CLTRN: variants seen among roughly 807,000 people sequenced by gnomAD.
The protein encoded by CLTRN is collectrin.
Under a neutral mutation model 14.5 loss-of-function variants are expected in CLTRN, and 12 were observed. The observed-to-expected ratio is 0.83, with a 90% CI of 0.53 to 1.34. The LOEUF (loss-of-function observed/expected upper bound fraction) is 1.34, where lower values mean the gene tolerates loss of function less well. Ranked by LOEUF, CLTRN falls within the 40% of genes most tolerant of loss-of-function variation. The pLI is 0.00. For missense variants in CLTRN, 154 were observed against 165.1 expected (o/e 0.93, Z 0.37); for synonymous variants, 58 against 56.5 (o/e 1.03, Z -0.12).
At chrX:15,646,462 A>AACC in intron 3 of CLTRN, 30 of 170,828 alleles carry the variant, frequency 1.8e-4, no homozygotes, top group South Asian at 4.9e-4. Context: ...CCGCGCACCC[A>AACC]CCCCCCCGCC....
At chrX:15,665,314 T>C (rs1470100429), upstream of CLTRN, among the ~76,000 whole-genome samples, 1 of 112,090 alleles carries the variant, frequency 8.9e-6, no homozygotes, top group Non-Finnish European at 1.9e-5. Flanking sequence ...CGGAGCTTCC[T>C]CTTACCTACT....
At chrX:15,675,203 G>C (rs944853869), upstream of CLTRN, among the ~76,000 whole-genome samples, 1 of 112,348 alleles carries the variant, frequency 8.9e-6, no homozygotes, top group Non-Finnish European at 1.9e-5. Context: ...AAAGAAATTC[G>C]AATTCGCGGG....
upstream of CLTRN, among the ~76,000 whole-genome samples, chrX:15,667,098 G>A (rs1039655554): frequency 5.4e-5 from 6 of 111,316 alleles, no homozygotes; most frequent in Middle Eastern, 9.2e-3. Flanking sequence ...TTAGCCGGGC[G>A]TGGTGGCAGG....
At chrX:15,632,995 C>T (rs1004715237) in intron 5 of CLTRN, among the ~76,000 whole-genome samples, 1 of 110,057 alleles carries the variant, frequency 9.1e-6, no homozygotes, top group African/African-American at 3.3e-5. Flanking sequence ...AATCAATTAT[C>T]GGGGAATTGA....
chrX:15,666,672 G>C (rs141103011), upstream of CLTRN, among the ~76,000 whole-genome samples: 394 of 111,579 alleles, frequency 3.5e-3, no homozygotes, highest in African/African-American at 0.01. Flanking sequence ...GCAAGGACAC[G>C]GAGTCAGGAA....
At chrX:15,644,048 T>C (rs1019715808) in intron 4 of CLTRN, among the ~76,000 whole-genome samples, 1 of 112,032 alleles carries the variant, frequency 8.9e-6, no homozygotes, top group African/African-American at 3.2e-5. Flanking sequence ...ACAAGTTGCA[T>C]CCTCCTAATT....
At chrX:15,652,765 A>G (rs1394062144) in intron 3 of CLTRN, among the ~76,000 whole-genome samples, 2 of 112,036 alleles carry the variant, frequency 1.8e-5, no homozygotes, top group East Asian at 2.8e-4. Flanking sequence ...ACCCCTAACA[A>G]TATGTACAAA....
intron 5 of CLTRN, among the ~76,000 whole-genome samples, chrX:15,628,869 C>T (rs886423308): frequency 3.6e-5 from 4 of 111,998 alleles, no homozygotes; most frequent in African/African-American, 9.7e-5. Context: ...CCTTTGTAGA[C>T]CTTGCTGACC....
chrX:15,663,095 A>G (rs1929544750), intron 2 of CLTRN, among the ~76,000 whole-genome samples: 1 of 111,938 alleles, frequency 8.9e-6, no homozygotes, highest in Non-Finnish European at 1.9e-5. Context: ...AGTGCCAGGT[A>G]TTGTGGGCCT....
At chrX:15,653,442 CAT>C (rs1929274612) in intron 3 of CLTRN, among the ~76,000 whole-genome samples, 1 of 111,142 alleles carries the variant, frequency 9.0e-6, no homozygotes, top group African/African-American at 3.3e-5. Flanking sequence ...CCCATTTGCC[CAT>C]AGCATCCTCA....
intron 2 of CLTRN, among the ~76,000 whole-genome samples, chrX:15,663,339 C>T (rs1032947935): frequency 6.2e-5 from 7 of 112,221 alleles, no homozygotes; most frequent in Non-Finnish European, 1.3e-4. Context: ...GTATTCTGCA[C>T]TCAGACTGCC....
intron 3 of CLTRN, among the ~76,000 whole-genome samples, chrX:15,653,145 T>G (rs192504598): frequency 1.2e-3 from 137 of 111,292 alleles, no homozygotes; most frequent in Non-Finnish European, 1.9e-3. Flanking sequence ...CTTGAAGTAC[T>G]TTTAAGGAAA....
At chrX:15,662,722 C>T (rs933999365) in intron 2 of CLTRN, among the ~76,000 whole-genome samples, 5 of 111,521 alleles carry the variant, frequency 4.5e-5, no homozygotes, top group Admixed American at 9.5e-5. Flanking sequence ...CTCCACCCCA[C>T]GAAAAGAGCT....
intron 4 of CLTRN, among the ~76,000 whole-genome samples, chrX:15,644,132 A>G (rs185957133): frequency 1.9e-3 from 213 of 111,862 alleles, no homozygotes; most frequent in African/African-American, 6.4e-3. Context: ...AACTGTCGGG[A>G]AGTCGGGAAA....
In CLTRN at chrX:15,656,021, C is replaced by T. The variant is rs184126335; in HGVS notation, c.203+2995G>A. On this transcript the variant is annotated intron_variant, in intron 3 of 5. Coordinates refer to ENST00000380342, the MANE Select transcript of CLTRN (RefSeq NM_020665.6). ...CCGCACTGGGGAATCTGCACAGGAA[C>T]CCATTCCCAGCCCTGTTCAAGTCCT... 4.5e-5 allele frequency among the ~76,000 whole-genome samples: 5 copies of T among 111,705 alleles called. No homozygotes were observed. The East Asian group carries it at 1.1e-3, about 25-fold the overall frequency.
intron 5 of CLTRN, among the ~76,000 whole-genome samples, 200 bp downstream of exon 5, chrX:15,639,362 G>T (rs1928885891): frequency 8.9e-6 from 1 of 112,165 alleles, no homozygotes; most frequent in Non-Finnish European, 1.9e-5. Flanking sequence ...CGTGGAAGGA[G>T]CCTAGTTAAG....
chrX:15,671,883 C>CACACA (rs1555985299), intron 1 of CLTRN, among the ~76,000 whole-genome samples: 2 of 56,953 alleles, frequency 3.5e-5, no homozygotes, highest in African/African-American at 6.6e-5. Context: ...CACACACACA[C>CACACA]AATTTCCAGT....
intron 1 of CLTRN, among the ~76,000 whole-genome samples, chrX:15,670,466 T>C (rs1371782436): frequency 9.0e-6 from 1 of 111,394 alleles, no homozygotes; most frequent in Non-Finnish European, 1.9e-5. Context: ...ATGAAATGGA[T>C]ATACTATATA....
chrX:15,640,747 CAACA>C (rs1928923162), intron 4 of CLTRN, among the ~76,000 whole-genome samples: 1 of 112,424 alleles, frequency 8.9e-6, no homozygotes, highest in African/African-American at 3.2e-5. Context: ...TTCATTAATT[CAACA>C]AACATTTGCC....
Sources: gnomAD v4.1 joint callset for allele counts (sites outside exome capture counted in the v4.1 genomes callset) on GRCh38, gnomAD v4.1.1 for gene constraint, MANE v1.5 for transcripts, NCBI Gene and HGNC (gene_info 2026-07-23, HGNC 2026-07-21) for gene names.